ADAMTSL1: variants seen among roughly 807,000 people sequenced by gnomAD.
ADAMTSL1 encodes ADAMTS-like protein 1.
Under a neutral mutation model 201.8 loss-of-function variants are expected in ADAMTSL1, and 126 were observed. The ratio of observed to expected loss-of-function variants is 0.62; its 90% CI spans 0.54 to 0.72. ADAMTSL1 has a LOEUF of 0.72. ADAMTSL1 is among the 30% of genes least tolerant of loss of function. ADAMTSL1 has a pLI of 0.00. For synonymous variants in ADAMTSL1, 1,121 were observed against 903.4 expected (o/e 1.24, Z -4.32); for missense variants, 2,679 against 2,277.8 (o/e 1.18, Z -3.59).
intron 1 of ADAMTSL1, among the ~76,000 whole-genome samples, chr9:18,500,789 T>G (rs1822789192): frequency 6.6e-6 from 1 of 152,212 alleles, no homozygotes; most frequent in South Asian, 2.1e-4. Context: ...TCTAGACTTT[T>G]TATGATACAT....
At chr9:18,410,537 C>G (rs1411021498) in intron 2 of ADAMTSL1, among the ~76,000 whole-genome samples, 1 of 152,088 alleles carries the variant, frequency 6.6e-6, no homozygotes, top group East Asian at 1.9e-4. Context: ...CATCCATGTC[C>G]CTGCAAAGGA....
chr9:18,147,352 G>A (rs1345440231), intron 1 of ADAMTSL1, among the ~76,000 whole-genome samples: 1 of 152,010 alleles, frequency 6.6e-6, no homozygotes, highest in Non-Finnish European at 1.5e-5. Flanking sequence ...GAAAAAAGGT[G>A]GCTTAGCAAC....
chr9:18,406,156 C>A (rs934891320), intron 2 of ADAMTSL1, among the ~76,000 whole-genome samples: 8 of 152,164 alleles, frequency 5.3e-5, no homozygotes, highest in African/African-American at 1.2e-4. Context: ...GTCTACAGAG[C>A]AATCTAGTTT....
intron 9 of ADAMTSL1, among the ~76,000 whole-genome samples, chr9:18,669,693 G>C (rs965851238): frequency 6.6e-6 from 1 of 152,134 alleles, no homozygotes; most frequent in East Asian, 1.9e-4. Flanking sequence ...TAGTTCAGTG[G>C]TTTTCAAGCT....
At chr9:18,679,165 A>G (rs1485042826) in intron 10 of ADAMTSL1, among the ~76,000 whole-genome samples, 2 of 152,142 alleles carry the variant, frequency 1.3e-5, no homozygotes, top group Non-Finnish European at 2.9e-5. Flanking sequence ...AATGTACACA[A>G]AAAACCCGCC....
chr9:18,314,836 G>A (rs55728250), intron 2 of ADAMTSL1, among the ~76,000 whole-genome samples: 11,821 of 110,802 alleles, frequency 0.11, 741 homozygotes, highest in Middle Eastern at 0.23. Flanking sequence ...TTGCTCTGTC[G>A]CCCAGGCTGG....
chr9:18,575,829 T>C (rs1187169982), intron 4 of ADAMTSL1, among the ~76,000 whole-genome samples: 1 of 152,202 alleles, frequency 6.6e-6, no homozygotes, highest in Non-Finnish European at 1.5e-5. Context: ...CCATTCAATG[T>C]TATTGCTACT....
intron 2 of ADAMTSL1, among the ~76,000 whole-genome samples, chr9:18,336,347 C>T (rs962241431): frequency 6.7e-6 from 1 of 148,240 alleles, no homozygotes. Context: ...AATTTTTCTA[C>T]TTAAAGAAGG....
At chr9:17,975,585 C>T (rs1818413021) in intron 1 of ADAMTSL1, among the ~76,000 whole-genome samples, 1 of 152,002 alleles carries the variant, frequency 6.6e-6, no homozygotes, top group Non-Finnish European at 1.5e-5. Context: ...TTTGGGGGGT[C>T]ACAAACATTG....
intron 23 of ADAMTSL1, among the ~76,000 whole-genome samples, chr9:18,868,225 A>G (rs1156952496): frequency 1.3e-5 from 2 of 152,176 alleles, no homozygotes; most frequent in East Asian, 3.9e-4. Context: ...TTCTTTAAAT[A>G]CTTAACATAT....
At chr9:18,592,992 T>C (rs1191527376) in intron 4 of ADAMTSL1, among the ~76,000 whole-genome samples, 1 of 152,180 alleles carries the variant, frequency 6.6e-6, no homozygotes, top group East Asian at 1.9e-4. Context: ...TAAATGAGAT[T>C]ACTTTCTTGA....
chr9:18,861,955 C>T (rs771663342), intron 23 of ADAMTSL1, among the ~76,000 whole-genome samples: 1 of 152,104 alleles, frequency 6.6e-6, no homozygotes, highest in Admixed American at 6.5e-5. Context: ...GTTTCTGGAG[C>T]CTCAAGACCC....
At chr9:18,478,198 A>G (rs80122268) in intron 1 of ADAMTSL1, among the ~76,000 whole-genome samples, 73 of 152,174 alleles carry the variant, frequency 4.8e-4, no homozygotes, top group Non-Finnish European at 9.4e-4. Flanking sequence ...AGGGTTTGCA[A>G]TTTTTATCAG....
chr9:18,177,758 C>A (rs1587236579), intron 2 of ADAMTSL1, among the ~76,000 whole-genome samples: 1 of 152,156 alleles, frequency 6.6e-6, no homozygotes, highest in Non-Finnish European at 1.5e-5. Flanking sequence ...CTTTTTATAT[C>A]TCACTGGCAA....
At chr9:18,574,621 T>G in intron 4 of ADAMTSL1, 43 of 225,176 alleles carry the variant, frequency 1.9e-4, no homozygotes, top group South Asian at 9.6e-4. Context: ...GTGTGTGTAT[T>G]TAGAGACTGG....
intron 2 of ADAMTSL1, among the ~76,000 whole-genome samples, chr9:18,242,218 A>G (rs892718257): frequency 6.6e-6 from 1 of 152,198 alleles, no homozygotes; most frequent in Non-Finnish European, 1.5e-5. Context: ...ATGCAAATCA[A>G]TCAATGTAAT....
intron 2 of ADAMTSL1, among the ~76,000 whole-genome samples, chr9:18,208,086 G>T (rs986359055): frequency 6.6e-6 from 1 of 152,156 alleles, no homozygotes; most frequent in Non-Finnish European, 1.5e-5. Context: ...AATGGAGACA[G>T]TGATGTACAT....
chr9:18,645,221 T>C (rs1827725142), intron 7 of ADAMTSL1, among the ~76,000 whole-genome samples: 1 of 152,222 alleles, frequency 6.6e-6, no homozygotes, highest in Non-Finnish European at 1.5e-5. Flanking sequence ...CTTCACCCAC[T>C]TTTTGATGGG....
At chr9:18,623,097 T>C (rs1826134581) in intron 5 of ADAMTSL1, among the ~76,000 whole-genome samples, 1 of 152,166 alleles carries the variant, frequency 6.6e-6, no homozygotes, top group Admixed American at 6.5e-5. Context: ...GGTTTCACCA[T>C]GTTGGCCGGG....
Sources: allele counts gnomAD v4.1 joint callset (sites outside exome capture counted in the v4.1 genomes callset), GRCh38; gene constraint gnomAD v4.1.1; transcripts MANE v1.5; gene names NCBI Gene and HGNC (gene_info 2026-07-23, HGNC 2026-07-21).